Variants in ABCA5 observed in about 807,000 individuals in gnomAD.
ABCA5 encodes the protein ATP binding cassette subfamily A member 5, also known as cholesterol transporter ABCA5.
A neutral mutation model predicts 206.0 loss-of-function variants in ABCA5; 163 were observed. The observed-to-expected ratio is 0.79, with a 90% CI of 0.70 to 0.90. The LOEUF (loss-of-function observed/expected upper bound fraction) is 0.90, where lower values mean the gene tolerates loss of function less well. Among genes scored for constraint, ABCA5 ranks in the 40% least tolerant of loss-of-function variants. ABCA5 has a pLI of 0.00. For missense variants in ABCA5, 1,859 were observed against 1,912.9 expected (o/e 0.97, Z 0.53); for synonymous variants, 609 against 613.8 (o/e 0.99, Z 0.11).
chr17:69,296,692 T>C (rs1333656508), intron 10 of ABCA5, among the ~76,000 whole-genome samples: 1 of 152,200 alleles, frequency 6.6e-6, no homozygotes, highest in Non-Finnish European at 1.5e-5. Flanking sequence ...GGGACAGGTG[T>C]GGTGGCTTAC....
Position 69,313,017 on chromosome 17 carries a change from A to T in ABCA5, c.307+75T>A, listed in dbSNP as rs1007192460. ...TCTCTAAGTGTTAAGACTGCTATTCATTCAATAAAGCAAGCTGATAAATAT... is the reference window on the plus strand; with the variant it reads ...TCTCTAAGTGTTAAGACTGCTATTCTTTCAATAAAGCAAGCTGATAAATAT... On this transcript the variant is annotated intron_variant, in intron 3 of 38. Coordinates refer to ENST00000392676, the MANE Select transcript of ABCA5 (RefSeq NM_172232.4). 16 of 1,007,712 alleles carry T rather than the reference A, an allele frequency of 1.6e-5. No homozygotes were observed. The African/African-American group carries it at 2.6e-4, about 16-fold the overall frequency. The allele number at this position is 1,007,712 out of a possible 1,614,324, so 62.4% of individuals were successfully genotyped here. A position where few individuals can be genotyped will look rare whatever the true frequency, so the allele number is the denominator to read the frequency against.
intron 5 of ABCA5, among the ~76,000 whole-genome samples, chr17:69,307,706 C>T (rs768707536): frequency 3.9e-5 from 6 of 151,996 alleles, no homozygotes; most frequent in Non-Finnish European, 5.9e-5. Flanking sequence ...TTGGTTCTTA[C>T]GACAATGCTG....
In ABCA5 at chr17:69,294,671, A is replaced by G. The variant is rs138496281; in HGVS notation, c.1479T>C (p.Asn493=). ...ACTACTTACTTCTCAAAGCCTCCACATTTTCACCCTTCTTTCTGTATGTCT... is the reference window on the plus strand; with the variant it reads ...ACTACTTACTTCTCAAAGCCTCCACGTTTTCACCCTTCTTTCTGTATGTCT... ...IQKTYRKKGE[N]VEALRNLSFD... The change falls in exon 11 of 39, where the codon AAT becomes AAC. Residue 493 remains asparagine, a synonymous_variant. Transcript: ENST00000392676. 379 of 1,606,170 alleles carry G rather than the reference A, an allele frequency of 2.4e-4. 1 individual carries two copies. The highest frequency in any genetic ancestry group is 3.1e-4 in the Non-Finnish European group (360 of 1,174,550).
intron 23 of ABCA5, among the ~76,000 whole-genome samples, chr17:69,266,645 G>A (rs998410148): frequency 4.8e-4 from 70 of 147,204 alleles, no homozygotes; most frequent in Admixed American, 1.5e-3. Flanking sequence ...GAAAAAAAAT[G>A]TTTCAGTTGA....
chr17:69,317,943 G>C (rs1231038002), intron 1 of ABCA5: 1 of 152,008 alleles, frequency 6.6e-6, no homozygotes, highest in African/African-American at 2.4e-5. Flanking sequence ...AAGATAGCAG[G>C]GGAAATAACA....
chr17:69,254,513 T>G (rs1448424953), intron 31 of ABCA5, 23 bp from the exon 32 acceptor site: 1 of 1,599,648 alleles, frequency 6.3e-7, no homozygotes, highest in Non-Finnish European at 8.5e-7. Flanking sequence ...AAACCAATTT[T>G]TATTATTTTG....
intron 36 of ABCA5, 112 bp downstream of exon 36, chr17:69,250,360 T>TAC (rs1460813798): frequency 1.2e-6 from 1 of 815,442 alleles, no homozygotes; most frequent in African/African-American, 1.8e-5. Flanking sequence ...CAGAGATATA[T>TAC]ATATATATGG....
At chr17:69,320,443 C>G (rs2075854460) in intron 1 of ABCA5, among the ~76,000 whole-genome samples, 1 of 152,102 alleles carries the variant, frequency 6.6e-6, no homozygotes, top group Admixed American at 6.6e-5. Flanking sequence ...CCTCAACAAT[C>G]TGATTTTTCT....
At chr17:69,257,114 T>C (rs1598151155) in intron 28 of ABCA5, among the ~76,000 whole-genome samples, 1 of 152,066 alleles carries the variant, frequency 6.6e-6, no homozygotes, top group African/African-American at 2.4e-5. Flanking sequence ...CCTGTAATCT[T>C]AGCACTTTAA....
At chr17:69,265,911 G>A (rs965758272) in intron 23 of ABCA5, among the ~76,000 whole-genome samples, 1 of 152,104 alleles carries the variant, frequency 6.6e-6, no homozygotes, top group Non-Finnish European at 1.5e-5. Context: ...GTATAATTCA[G>A]CAATTGCACT....
intron 1 of ABCA5, among the ~76,000 whole-genome samples, chr17:69,315,912 G>C (rs1245667495): frequency 6.6e-6 from 1 of 151,820 alleles, no homozygotes; most frequent in Non-Finnish European, 1.5e-5. Flanking sequence ...GCAAACAATC[G>C]AAAGTACTCT....
chr17:69,273,834 T>C, intron 20 of ABCA5, 125 bp downstream of exon 20: 10 of 911,036 alleles, frequency 1.1e-5, no homozygotes, highest in Non-Finnish European at 9.5e-6. Flanking sequence ...TGAACTATAA[T>C]TTAGATTTCA....
At chr17:69,309,838 T>A (rs564501124) in intron 3 of ABCA5, among the ~76,000 whole-genome samples, 2 of 151,820 alleles carry the variant, frequency 1.3e-5, no homozygotes, top group South Asian at 4.1e-4. Context: ...AGACCATGTC[T>A]CAAAAAAAAC....
At position 69,246,075 on chromosome 17, in the gene ABCA5, G is replaced by C. The variant is rs1390335122; in HGVS notation, c.*1462C>G. ...GTATAGCAACTGCCCCCAGCAATGG[G>C]GGAAAATATCAGCCACGTACTTTGT... On this transcript the variant is annotated 3_prime_UTR_variant, in exon 39 of 39. Transcript: ENST00000392676. The C allele has an allele frequency of 6.6e-6, 1 of 151,860 alleles. No homozygotes were observed. Among genetic ancestry groups the C allele is most frequent in the African/African-American group, 2.4e-5 (1 of 41,382 alleles). The allele number at this position is 151,860 out of a possible 1,614,324, so 9.4% of individuals were successfully genotyped here.
At chr17:69,308,144 T>C (rs1415461031) in intron 5 of ABCA5, 136 bp downstream of exon 5, 5 of 412,320 alleles carry the variant, frequency 1.2e-5, no homozygotes, top group African/African-American at 8.2e-5. Context: ...TTTTTATCTT[T>C]TTTCTCAAAG....
intron 19 of ABCA5, 23 bp downstream of exon 19, chr17:69,277,618 A>G (rs750642292): frequency 3.0e-5 from 48 of 1,575,392 alleles, no homozygotes; most frequent in South Asian, 1.1e-4. Flanking sequence ...TCCATCAGGT[A>G]TAAGGGTGAT....
chr17:69,278,392 C>G (rs2075356392), intron 18 of ABCA5, among the ~76,000 whole-genome samples: 1 of 152,210 alleles, frequency 6.6e-6, no homozygotes. Flanking sequence ...CGAGACTTCT[C>G]TCTTATCACC....
At chr17:69,266,668 A>T (rs2075212798) in intron 23 of ABCA5, among the ~76,000 whole-genome samples, 1 of 148,562 alleles carries the variant, frequency 6.7e-6, no homozygotes, top group South Asian at 2.1e-4. Context: ...CAAGAAAGAA[A>T]ATGCAAATGT....
intron 23 of ABCA5, among the ~76,000 whole-genome samples, chr17:69,266,643 AT>A (rs1257968653): frequency 3.4e-5 from 5 of 148,148 alleles, no homozygotes; most frequent in Non-Finnish European, 6.0e-5. Context: ...TGGAAAAAAA[AT>A]GTTTCAGTTG....
Sources: allele counts gnomAD v4.1 joint callset (sites outside exome capture counted in the v4.1 genomes callset), GRCh38; gene constraint gnomAD v4.1.1; transcripts MANE v1.5; gene names NCBI Gene and HGNC (gene_info 2026-07-23, HGNC 2026-07-21).